Variants in MCM5 observed in about 807,000 individuals in gnomAD.
MCM5 encodes DNA replication licensing factor MCM5.
A neutral mutation model predicts 79.9 loss-of-function variants in MCM5; 46 were observed. The observed-to-expected ratio is 0.58, with a 90% CI of 0.45 to 0.74. MCM5 has a LOEUF of 0.74. Ranked by LOEUF, MCM5 falls within the 30% of genes least tolerant of loss-of-function variation. MCM5 has a pLI of 0.00. For missense variants in MCM5, 883 were observed against 1,017.0 expected, an observed-to-expected ratio of 0.87 and a Z score of 1.79; for synonymous variants, 404 against 390.5, an observed-to-expected ratio of 1.03 and a Z score of -0.41.
the MCM5 span, among the ~76,000 whole-genome samples, chr22:35,450,279 A>G: frequency 2.6e-5 from 4 of 151,798 alleles, no homozygotes; most frequent in South Asian, 6.2e-4. Context: ...ACCTTATTCC[A>G]CTTCTCTGAT....
chr22:35,424,170 C>G lies in MCM5; in HGVS notation c.2120C>G (p.Ala707Gly), dbSNP rs1932755319. The G allele has an allele frequency of 6.4e-7, 1 of 1,551,522 alleles. No individual in the cohort carries two copies. The highest frequency in any genetic ancestry group is 1.2e-5 in the South Asian group (1 of 83,922). Residue 707 changes from alanine to glycine, a missense_variant, in exon 17 of 17, where the codon GCC becomes GGC. Around this residue, in one of 3 missense-constraint regions of MCM5, gnomAD observed 426 missense variants for 482.3 expected, o/e 0.88. Transcript: ENST00000216122. The stretch of plus-strand genomic sequence containing the variant: ...CTCCCACAGAAATACCCGGAGCACG[C>G]CATCCACAAGGTGCTGCAGCTCATG... ...DFTKQKYPEH[A>G]IHKVLQLMLR...
chr22:35,406,840 TG>T, intron 5 of MCM5, 115 bp downstream of exon 5: 2 of 1,109,220 alleles, frequency 1.8e-6, no homozygotes, highest in Non-Finnish European at 2.6e-6. Context: ...TGGGATGGGC[TG>T]GGCAGGGGTG....
intron 5 of MCM5, among the ~76,000 whole-genome samples, chr22:35,408,158 C>T (rs186631478): frequency 2.5e-4 from 38 of 152,304 alleles, no homozygotes; most frequent in Non-Finnish European, 4.7e-4. Flanking sequence ...TCTGCCTCCT[C>T]TCAGCAAGTT....
Position 35,400,171 on chromosome 22 carries a change from C to G in MCM5, c.-46C>G, listed in dbSNP as rs968383004. 2 of 465,648 alleles carry G rather than the reference C, an allele frequency of 4.3e-6. No individual in the cohort carries two copies. The highest frequency in any genetic ancestry group is 7.8e-6 in the Non-Finnish European group (2 of 256,076). 28.8% of individuals were successfully genotyped at this position (465,648 alleles called of 1,614,324 possible). On this transcript the variant is annotated 5_prime_UTR_variant, in exon 1 of 17. Coordinates refer to ENST00000216122, the MANE Select transcript of MCM5 (RefSeq NM_006739.4). ...AACTCGGCGGCTGAGCGTGGAGGTT[C>G]TTGTCTCCCCTGGTTTGTGAAGTGC...
At chr22:35,451,933 G>C in the MCM5 span, among the ~76,000 whole-genome samples, 107 of 152,226 alleles carry the variant, frequency 7.0e-4, 1 homozygote, top group Non-Finnish European at 2.9e-5. Context: ...GAGACCCCCT[G>C]GGGCAAGATC....
At position 35,412,530 on chromosome 22, in the gene MCM5, G is replaced by C. The variant is rs774349719; in HGVS notation, c.940G>C (p.Val314Leu). ...CCAAGGCCGCAGCTTTGCTGGGGCC[G>C]TGAGCCCCCAGGAGGAGGAGGAGTT... ...DGSGRSFAGA[V>L]SPQEEEEFRR... Residue 314 changes from valine to leucine, a missense_variant, in exon 8 of 17, where the codon GTG becomes CTG. Physicochemically the swap from Val to Leu is conservative, Grantham distance 32. Transcript: ENST00000216122. The C allele has an allele frequency of 1.9e-6, 3 of 1,563,422 alleles. No homozygotes were observed. The East Asian group carries it at 7.1e-5, about 37-fold the overall frequency.
chr22:35,453,840 A>AGAGATAGG, the MCM5 span, among the ~76,000 whole-genome samples: 1 of 150,120 alleles, frequency 6.7e-6, no homozygotes, highest in East Asian at 2.0e-4. Context: ...AGAGAGAGAG[A>AGAGATAGG]GAGAGAGATA....
chr22:35,431,128 A>G, the MCM5 span, among the ~76,000 whole-genome samples: 1 of 152,132 alleles, frequency 6.6e-6, no homozygotes, highest in Non-Finnish European at 1.5e-5. Flanking sequence ...CCTGGCTCAG[A>G]CTCAGCAGCC....
At position 35,408,628 on chromosome 22, in the gene MCM5, C is replaced by T. The variant is rs4645770; in HGVS notation, c.752+65C>T. 711 of 1,546,762 alleles carry T rather than the reference C, an allele frequency of 4.6e-4. 7 individuals carry two copies. The African/African-American group carries it at 8.5e-3, about 18-fold the overall frequency. The stretch of plus-strand genomic sequence containing the variant: ...GGATGTCCCAGCTGTGGCCCTAACC[C>T]GAGTGTTGGGAGTGGGTCATCTGGA... On this transcript the variant is annotated intron_variant, in intron 6 of 16. Transcript: ENST00000216122.
chr22:35,440,816 G>A, the MCM5 span, among the ~76,000 whole-genome samples: 8 of 152,096 alleles, frequency 5.3e-5, no homozygotes, highest in African/African-American at 1.4e-4. Flanking sequence ...CCAGCACTTT[G>A]TGAGGCCAAG....
At chr22:35,447,020 C>T in the MCM5 span, among the ~76,000 whole-genome samples, 65 of 152,192 alleles carry the variant, frequency 4.3e-4, no homozygotes, top group African/African-American at 1.4e-3. Context: ...GGCAGCGGTC[C>T]GCGCTTCTCT....
chr22:35,415,231 AG>A (rs1932507722), intron 9 of MCM5, among the ~76,000 whole-genome samples: 1 of 152,202 alleles, frequency 6.6e-6, no homozygotes, highest in South Asian at 2.1e-4. Flanking sequence ...AAGGAAAAAC[AG>A]GTGAAGTTAC....
At chr22:35,450,422 C>A in the MCM5 span, among the ~76,000 whole-genome samples, 1 of 149,888 alleles carries the variant, frequency 6.7e-6, no homozygotes, top group Non-Finnish European at 1.5e-5. Flanking sequence ...TCTTTCCCTC[C>A]CCTGTCCCTT....
At chr22:35,426,586 C>G (rs961409430), downstream of MCM5, among the ~76,000 whole-genome samples, 2 of 152,214 alleles carry the variant, frequency 1.3e-5, no homozygotes, top group African/African-American at 4.8e-5. Flanking sequence ...CTGAGCAAAT[C>G]ACTTCACCCC....
intron 12 of MCM5, among the ~76,000 whole-genome samples, chr22:35,417,489 C>T (rs1488535237): frequency 1.3e-5 from 2 of 152,196 alleles, no homozygotes; most frequent in Non-Finnish European, 2.9e-5. Context: ...GGTGGACAAG[C>T]TGAACCCACC....
the MCM5 span, among the ~76,000 whole-genome samples, chr22:35,446,049 A>G: frequency 1.3e-5 from 2 of 152,220 alleles, no homozygotes; most frequent in Non-Finnish European, 2.9e-5. Flanking sequence ...CCATATTTAC[A>G]GAGTGAGTGG....
intron 15 of MCM5, 22 bp downstream of exon 15, chr22:35,421,482 G>A: frequency 6.2e-7 from 1 of 1,613,876 alleles, no homozygotes; most frequent in Non-Finnish European, 8.5e-7. Flanking sequence ...CAGGGGCCAT[G>A]GTCTCAATTG....
chr22:35,444,499 T>TGG, the MCM5 span, among the ~76,000 whole-genome samples: 1 of 152,160 alleles, frequency 6.6e-6, no homozygotes, highest in East Asian at 1.9e-4. Context: ...GGATCCCTCC[T>TGG]GGGCTGTCGC....
chr22:35,430,823 T>C, the MCM5 span, among the ~76,000 whole-genome samples: 2 of 150,932 alleles, frequency 1.3e-5, no homozygotes, highest in Admixed American at 6.6e-5. Flanking sequence ...TTTTTTTTTT[T>C]CAGTCGTATT....
Sources: allele counts gnomAD v4.1 joint callset (sites outside exome capture counted in the v4.1 genomes callset), GRCh38; gene constraint gnomAD v4.1.1; regional missense constraint gnomAD v4.1.1; transcripts MANE v1.5; gene names NCBI Gene and HGNC (gene_info 2026-07-23, HGNC 2026-07-21).